MED12L: variants seen among roughly 807,000 people sequenced by gnomAD.
MED12L encodes the protein mediator of RNA polymerase II transcription subunit 12-like protein.
A neutral mutation model predicts 281.3 loss-of-function variants in MED12L; 60 were observed. The ratio of observed to expected loss-of-function variants is 0.21; its 90% CI spans 0.17 to 0.26. MED12L has a LOEUF of 0.26. Among genes scored for constraint, MED12L ranks in the 10% least tolerant of loss-of-function variants. MED12L has a pLI of 1.00. For missense variants in MED12L, 2,146 were observed against 2,680.9 expected, an observed-to-expected ratio of 0.80 and a Z score of 4.41; for synonymous variants, 974 against 987.2, an observed-to-expected ratio of 0.99 and a Z score of 0.25.
chr3:151,399,749 A>G lies in MED12L; in HGVS notation c.5820+4882A>G, dbSNP rs564971282. On this transcript the variant is annotated intron_variant, in intron 39 of 44. Transcript: ENST00000687756. ...CTTTTGACAACAGGAACTTTTTTTC[A>G]GCTCACCTCACCATCCCCCTCACTC... Among the ~76,000 whole-genome samples the G allele has an allele frequency of 7.9e-5, 12 of 152,086 alleles. No individual in the cohort carries two copies. The East Asian group carries it at 2.3e-3, about 29-fold the overall frequency.
At chr3:151,108,814 A>T (rs1453894497) in intron 2 of MED12L, among the ~76,000 whole-genome samples, 1 of 152,180 alleles carries the variant, frequency 6.6e-6, no homozygotes, top group Non-Finnish European at 1.5e-5. Flanking sequence ...TGTGTGCATT[A>T]TCTGACTTTG....
chr3:151,182,022 AT>A (rs1332796033), intron 11 of MED12L, among the ~76,000 whole-genome samples: 6 of 151,986 alleles, frequency 3.9e-5, no homozygotes, highest in Admixed American at 6.6e-5. Flanking sequence ...TAGCTAAATT[AT>A]TTTTTTTAAT....
At chr3:151,142,673 A>T (rs1459165853) in intron 5 of MED12L, among the ~76,000 whole-genome samples, 1 of 152,224 alleles carries the variant, frequency 6.6e-6, no homozygotes, top group Non-Finnish European at 1.5e-5. Context: ...CCTTTAAAAA[A>T]TTGGTGCTTG....
chr3:151,123,080 G>T, intron 4 of MED12L, 106 bp downstream of exon 4: 1 of 976,556 alleles, frequency 1.0e-6, no homozygotes, highest in Non-Finnish European at 1.5e-6. Context: ...GAGACTGCAA[G>T]CCTATTGGCA....
intron 5 of MED12L, among the ~76,000 whole-genome samples, chr3:151,147,734 G>A (rs1717929651): frequency 1.3e-5 from 2 of 152,158 alleles, no homozygotes; most frequent in Admixed American, 1.3e-4. Context: ...GTATGCATAT[G>A]CCACATTTTA....
At position 151,146,353 on chromosome 3, in the gene MED12L, A is replaced by G. The variant is rs534849745; in HGVS notation, c.557-9808A>G. Among the ~76,000 whole-genome samples, 81 of 152,210 alleles carry G rather than the reference A, an allele frequency of 5.3e-4. 1 individual carries two copies. Among genetic ancestry groups the G allele is most frequent in the African/African-American group, 1.8e-3 (76 of 41,520 alleles). On this transcript the variant is annotated intron_variant, in intron 5 of 44. Transcript: ENST00000687756. ...GTGGAACTCCTTTGTACCTTCCCCA[A>G]TATGTGGATGAAACGCCTCTTTGCT...
intron 2 of MED12L, among the ~76,000 whole-genome samples, chr3:151,098,691 A>T (rs1721037981): frequency 6.6e-6 from 1 of 152,130 alleles, no homozygotes; most frequent in Non-Finnish European, 1.5e-5. Context: ...CCTTAATTAC[A>T]TCTGTAAAGA....
At chr3:151,362,010 G>A (rs1365609827) in intron 21 of MED12L, among the ~76,000 whole-genome samples, 2 of 152,092 alleles carry the variant, frequency 1.3e-5, no homozygotes, top group African/African-American at 2.4e-5. Flanking sequence ...AATCCAGAAG[G>A]AGGTAGGGAA....
chr3:151,259,006 C>T (rs545392018), intron 16 of MED12L, among the ~76,000 whole-genome samples: 236 of 152,284 alleles, frequency 1.5e-3, no homozygotes, highest in Admixed American at 0.012. Context: ...GCTGCACACA[C>T]ATATGTAATA....
chr3:151,206,210 A>G (rs1165760605), intron 16 of MED12L, among the ~76,000 whole-genome samples: 2 of 151,956 alleles, frequency 1.3e-5, no homozygotes, highest in Admixed American at 1.3e-4. Context: ...TTAAAGTGAA[A>G]TGTAGACGTA....
At chr3:151,350,249 G>A in intron 17 of MED12L, 43 bp downstream of exon 17, 1 of 1,597,794 alleles carries the variant, frequency 6.3e-7, no homozygotes, top group Non-Finnish European at 8.5e-7. Flanking sequence ...GTTGCCTTTT[G>A]CCTTCCCTCT....
In MED12L at chr3:151,355,933, C is replaced by T. The variant is rs761166199; in HGVS notation, c.2555C>T (p.Ala852Val). Residue 852 changes from alanine (A) to valine (V), a missense_variant, in exon 19 of 45, where the codon GCG becomes GTG. Ala to Val is a moderately conservative substitution (Grantham distance 64). Coordinates refer to ENST00000687756, the MANE Select transcript of MED12L (RefSeq NM_001393769.1). The part of the protein sequence containing the change: ...NNVLEQITSF[A>V]SGTSYHLPLA... ...GTGCTAGAACAAATCACAAGCTTTG[C>T]GTCAGGAACATCCTATCATCTCCCT... 5.0e-6 allele frequency: 8 copies of T among 1,613,928 alleles called. No homozygotes were observed. The highest frequency in any genetic ancestry group is 1.7e-5 in the Admixed American group (1 of 59,940).
chr3:151,423,689 T>G (rs1323232489), intron 43 of MED12L, among the ~76,000 whole-genome samples: 1 of 152,158 alleles, frequency 6.6e-6, no homozygotes, highest in Non-Finnish European at 1.5e-5. Context: ...TTTTAATGCT[T>G]CTTGTTGTGA....
intron 5 of MED12L, among the ~76,000 whole-genome samples, chr3:151,144,174 C>T (rs983975964): frequency 5.3e-5 from 8 of 152,074 alleles, no homozygotes; most frequent in Admixed American, 3.9e-4. Flanking sequence ...ATAAGAAATT[C>T]TTGTTCTAAG....
Position 151,374,913 on chromosome 3 carries a change from T to C in MED12L, c.3865-1113T>C, listed in dbSNP as rs140342323. Among the ~76,000 whole-genome samples, 594 of 152,354 alleles carry C rather than the reference T, an allele frequency of 3.9e-3. 1 individual carries two copies. Among genetic ancestry groups the C allele is most frequent in the African/African-American group, 0.014 (576 of 41,576 alleles). The stretch of plus-strand genomic sequence containing the variant: ...TTTGGTTTATTCTCCCTCCCATATA[T>C]TTGTTTTAAAAGTTCTCTTATAAAA... On this transcript the variant is annotated intron_variant, in intron 27 of 44. Coordinates refer to ENST00000687756, the MANE Select transcript of MED12L (RefSeq NM_001393769.1).
chr3:151,383,909 A>G (rs757613262), intron 34 of MED12L, 21 bp downstream of exon 34: 9 of 1,594,572 alleles, frequency 5.6e-6, no homozygotes, highest in Non-Finnish European at 7.7e-6. Context: ...ATCACTTCAC[A>G]TTGATTTTGC....
intron 16 of MED12L, among the ~76,000 whole-genome samples, chr3:151,310,405 T>G (rs1032602160): frequency 1.2e-4 from 18 of 152,204 alleles, no homozygotes; most frequent in African/African-American, 4.3e-4. Context: ...GGATTAAGCT[T>G]TGAGTTGGTG....
intron 16 of MED12L, among the ~76,000 whole-genome samples, chr3:151,330,889 G>GA (rs1011486094): frequency 1.3e-5 from 2 of 151,644 alleles, no homozygotes; most frequent in East Asian, 1.9e-4. Context: ...TTCAGCAGAG[G>GA]AAAAAAAATC....
chr3:151,418,735 A>G (rs918424711), intron 43 of MED12L, among the ~76,000 whole-genome samples: 1 of 152,178 alleles, frequency 6.6e-6, no homozygotes, highest in Non-Finnish European at 1.5e-5. Context: ...AATTTATGAG[A>G]ATAGTTTGAT....
Sources: gnomAD v4.1 joint callset for allele counts (sites outside exome capture counted in the v4.1 genomes callset) on GRCh38, gnomAD v4.1.1 for gene constraint, MANE v1.5 for transcripts, NCBI Gene and HGNC (gene_info 2026-07-23, HGNC 2026-07-21) for gene names.